The following FHAD1 variants were observed in gnomAD, a reference collection of about 807,000 sequenced individuals.
FHAD1 encodes forkhead-associated domain-containing protein 1.
A neutral mutation model predicts 191.3 loss-of-function variants in FHAD1; 146 were observed. The observed-to-expected ratio is 0.76, with a 90% CI of 0.67 to 0.88. The LOEUF is 0.88. FHAD1 is among the 40% of genes least tolerant of loss of function. The pLI is 0.00. For missense variants in FHAD1, 1,635 were observed against 1,785.8 expected, an observed-to-expected ratio of 0.92 and a Z score of 1.52; for synonymous variants, 616 against 672.3, an observed-to-expected ratio of 0.92 and a Z score of 1.29.
chr1:15,274,330 A>G (rs185543182), intron 3 of FHAD1, among the ~76,000 whole-genome samples: 1 of 152,314 alleles, frequency 6.6e-6, no homozygotes, highest in African/African-American at 2.4e-5. Context: ...TGTTTTGGCC[A>G]GGCATGGTGG....
intron 33 of FHAD1, among the ~76,000 whole-genome samples, chr1:15,393,430 G>GCACGCACACA (rs1553127085): frequency 1.4e-5 from 2 of 146,742 alleles, no homozygotes; most frequent in African/African-American, 5.0e-5. Flanking sequence ...ACACACACAC[G>GCACGCACACA]CACACACACA....
At chr1:15,324,204 G>C (rs1274234008) in intron 10 of FHAD1, among the ~76,000 whole-genome samples, 4 of 152,142 alleles carry the variant, frequency 2.6e-5, no homozygotes, top group African/African-American at 9.7e-5. Context: ...CTAGGGACCG[G>C]GCTGGGATTA....
intron 2 of FHAD1, among the ~76,000 whole-genome samples, chr1:15,258,802 G>A (rs1475703506): frequency 6.6e-6 from 1 of 151,858 alleles, no homozygotes; most frequent in African/African-American, 2.4e-5. Context: ...TGGCCAGGCT[G>A]GTCTCAAACT....
chr1:15,331,502 GGA>G (rs1681459176), intron 14 of FHAD1, among the ~76,000 whole-genome samples: 4 of 143,602 alleles, frequency 2.8e-5, no homozygotes, highest in East Asian at 2.1e-4. Context: ...ATGGATGGAT[GGA>G]TGGATGGATG....
intron 31 of FHAD1, chr1:15,384,617 GC>G (rs1303226108): frequency 6.6e-6 from 1 of 152,224 alleles, no homozygotes; most frequent in Non-Finnish European, 1.5e-5. Context: ...ATGCGGGCTG[GC>G]CAGCCTTCCA....
intron 2 of FHAD1, among the ~76,000 whole-genome samples, chr1:15,261,055 A>G (rs1354276526): frequency 6.6e-6 from 1 of 152,214 alleles, no homozygotes. Flanking sequence ...CAGTAGGGTC[A>G]CTGCCAGGGA....
rs1377307809 is a variant in FHAD1, at chr1:15,289,773, G to T, written c.568+107G>T. ...TTCTAAAAGTAGAACATATTCAATT[G>T]TAAAAAATGAAAATAAATTCAGGAT... On this transcript the variant is annotated intron_variant, in intron 4 of 33. Coordinates refer to ENST00000688493, the MANE Select transcript of FHAD1 (RefSeq NM_001391957.1). This position sits in a 1 kb window ranked among gnomAD's most constrained non-coding sequence, Gnocchi z 4.2. 7.1e-7 allele frequency: 1 copy of T among 1,401,438 alleles called. No individual in the cohort carries two copies. Among genetic ancestry groups the T allele is most frequent in the African/African-American group, 1.5e-5 (1 of 68,952 alleles). The allele number at this position is 1,401,438 out of a possible 1,614,324, so 86.8% of individuals were successfully genotyped here.
At chr1:15,288,241 T>G (rs1045342479) in intron 3 of FHAD1, among the ~76,000 whole-genome samples, 1 of 152,124 alleles carries the variant, frequency 6.6e-6, no homozygotes, top group African/African-American at 2.4e-5. Flanking sequence ...ATAAGCTCGG[T>G]GCAATAAGTG....
At chr1:15,317,997 C>T (rs1675028243) in intron 10 of FHAD1, 69 bp downstream of exon 10, 1 of 995,668 alleles carries the variant, frequency 1.0e-6, no homozygotes. Flanking sequence ...CCCTGTTAGT[C>T]CTCTAAGTGG....
intron 14 of FHAD1, among the ~76,000 whole-genome samples, chr1:15,330,439 T>C (rs895789982): frequency 3.3e-5 from 5 of 152,120 alleles, no homozygotes; most frequent in African/African-American, 1.2e-4. Context: ...CACTGTAAAA[T>C]TCTTCCAATA....
At chr1:15,349,479 T>C (rs868257797) in intron 19 of FHAD1, among the ~76,000 whole-genome samples, 1 of 152,216 alleles carries the variant, frequency 6.6e-6, no homozygotes, top group Non-Finnish European at 1.5e-5. Flanking sequence ...AGAGGGATCC[T>C]CCCAGGAGAG....
At chr1:15,351,914 C>G (rs1042422547) in intron 19 of FHAD1, among the ~76,000 whole-genome samples, 1 of 152,130 alleles carries the variant, frequency 6.6e-6, no homozygotes, top group Non-Finnish European at 1.5e-5. Flanking sequence ...ACATTGGGAA[C>G]ATTGTCTTTC....
intron 24 of FHAD1, 36 bp downstream of exon 24, chr1:15,365,969 C>A: frequency 7.2e-7 from 1 of 1,388,802 alleles, no homozygotes; most frequent in Non-Finnish European, 1.0e-6. Context: ...GACCTCCTGA[C>A]CCACTCGAGA....
In FHAD1 at chr1:15,331,504, ATGGATGGATGGATGGATGG is replaced by A. The variant is rs1681462175; in HGVS notation, c.1906+1964_1906+1982del. ...GGTGGATTGATGGATGGATGGATGG[ATGGATGGATGGATGGATGG>A]ATGGATGAAAGGATGGATGGAAGTG... is the stretch of plus-strand genomic sequence containing the variant. On this transcript the variant is annotated intron_variant, in intron 14 of 33. Transcript: ENST00000688493. 2.2e-5 allele frequency among the ~76,000 whole-genome samples: 3 copies of A among 133,598 alleles called. No individual in the cohort carries two copies. The South Asian group carries it at 8.5e-4, about 38-fold the overall frequency. 87.6% of individuals were successfully genotyped at this position (133,598 alleles called of 152,430 possible). A position where few individuals can be genotyped will look rare whatever the true frequency, so the allele number is the denominator to read the frequency against.
At chr1:15,374,849 T>TTTTTGG (rs1558266249) in intron 27 of FHAD1, among the ~76,000 whole-genome samples, 9 of 95,656 alleles carry the variant, frequency 9.4e-5, no homozygotes, top group African/African-American at 6.8e-4. Flanking sequence ...CTATTGTACG[T>TTTTTGG]TTTTTTTTTT....
chr1:15,265,970 C>CAAAAAA (rs531702447), intron 2 of FHAD1, among the ~76,000 whole-genome samples: 18 of 78,662 alleles, frequency 2.3e-4, no homozygotes, highest in African/African-American at 6.4e-4. Flanking sequence ...GACTCCATCT[C>CAAAAAA]AAAAAAAAAA....
At chr1:15,314,700 G>A (rs1489508405) in intron 8 of FHAD1, 1 of 150,082 alleles carries the variant, frequency 6.7e-6, no homozygotes, top group African/African-American at 2.5e-5. Flanking sequence ...GTGGATGTGT[G>A]TAAGTGTGTA....
chr1:15,328,778 G>A (rs1679979494), intron 13 of FHAD1: 1 of 178,224 alleles, frequency 5.6e-6, no homozygotes, highest in Non-Finnish European at 1.2e-5. Context: ...TTCTTGTTTT[G>A]GCCCAGCCAC....
At chr1:15,260,304 G>A (rs781215590) in intron 2 of FHAD1, among the ~76,000 whole-genome samples, 20 of 152,214 alleles carry the variant, frequency 1.3e-4, no homozygotes, top group Non-Finnish European at 1.8e-4. Context: ...ACTGTGTTAC[G>A]AGACTGAATT....
Sources: gnomAD v4.1 joint callset for allele counts (sites outside exome capture counted in the v4.1 genomes callset) on GRCh38, gnomAD v4.1.1 for gene constraint, Gnocchi (gnomAD v3.1) non-coding constraint, MANE v1.5 for transcripts, NCBI Gene and HGNC (gene_info 2026-07-23, HGNC 2026-07-21) for gene names.